COPG2: variants seen among roughly 807,000 people sequenced by gnomAD.
COPG2 encodes the protein coat protein complex I subunit gamma 2.
In COPG2, 37 loss-of-function variants were observed where a neutral mutation model predicts 46.3. The ratio of observed to expected loss-of-function variants is 0.80; its 90% CI spans 0.61 to 1.05. COPG2 has a LOEUF of 1.05. Among genes scored for constraint, COPG2 ranks in the 50% least tolerant of loss-of-function variants. The probability of loss-of-function intolerance (pLI) is 0.00; values close to 1 mark genes in which losing one functional copy is unlikely to be tolerated. For missense variants in COPG2, 427 were observed against 387.8 expected (o/e 1.10, Z -0.85); for synonymous variants, 159 against 129.7 (o/e 1.23, Z -1.53).
intron 20 of COPG2, among the ~76,000 whole-genome samples, chr7:130,524,976 G>C (rs1401640305): frequency 2.0e-5 from 3 of 152,136 alleles, no homozygotes; most frequent in Non-Finnish European, 4.4e-5. Flanking sequence ...AGTGAGGGTA[G>C]GGAAGGAAGA....
Position 130,506,819 on chromosome 7 carries a change from A to G in COPG2, c.2486-13T>C. 1.3e-6 allele frequency: 1 copy of G among 769,090 alleles called. No homozygotes were observed. The allele number at this position is 769,090 out of a possible 1,614,324, so 47.6% of individuals were successfully genotyped here. On this transcript the variant is annotated splice_polypyrimidine_tract_variant and intron_variant, in intron 23 of 23. Transcript: ENST00000425248. ...CCTCTGAATATACCTGAGAGAAAAA[A>G]GTAAGGAAAACCATATTAAGAACCC...
intron 3 of COPG2, among the ~76,000 whole-genome samples, chr7:130,665,871 TAAC>T (rs1364883709): frequency 4.0e-5 from 6 of 151,256 alleles, no homozygotes; most frequent in Admixed American, 1.3e-4. Flanking sequence ...GAAAAATTAA[TAAC>T]AACAGCAGCA....
intron 5 of COPG2, among the ~76,000 whole-genome samples, chr7:130,638,977 G>A (rs1554456813): frequency 2.0e-5 from 3 of 152,176 alleles, no homozygotes; most frequent in Admixed American, 6.5e-5. Context: ...CCTTGGCTAG[G>A]GGAGGGAGTT....
At chr7:130,522,491 AG>A (rs1157228672) in intron 20 of COPG2, among the ~76,000 whole-genome samples, 146 of 152,204 alleles carry the variant, frequency 9.6e-4, no homozygotes, top group African/African-American at 3.1e-3. Flanking sequence ...GCCGATACGA[AG>A]GGGGTTTAGA....
intron 9 of COPG2, among the ~76,000 whole-genome samples, chr7:130,601,697 G>C (rs1454821710): frequency 2.6e-5 from 4 of 152,112 alleles, no homozygotes; most frequent in Non-Finnish European, 5.9e-5. Flanking sequence ...ATAGCGTTAG[G>C]AGAAATACCT....
In COPG2 at chr7:130,561,083, G is replaced by A; in HGVS notation, c.1078C>T (p.Leu360Phe). ...KTGSESSVDR[L>F]MKQISSFVSE... ...ACAAAAGAAGATATCTGCTTCATGA[G>A]CCGGTCCACACTGCTCTCACTTCCT... Residue 360 changes from leucine (L) to phenylalanine (F), a missense_variant, in exon 12 of 24, where the codon CTC becomes TTC. Coordinates refer to ENST00000425248, the MANE Select transcript of COPG2 (RefSeq NM_012133.6). 2.5e-6 allele frequency: 1 copy of A among 398,548 alleles called. No individual in the cohort carries two copies. The allele number at this position is 398,548 out of a possible 1,614,324, so 24.7% of individuals were successfully genotyped here. A position where few individuals can be genotyped will look rare whatever the true frequency, so the allele number is the denominator to read the frequency against.
At chr7:130,638,999 T>C (rs1554456827) in intron 5 of COPG2, among the ~76,000 whole-genome samples, 1 of 152,164 alleles carries the variant, frequency 6.6e-6, no homozygotes, top group Admixed American at 6.5e-5. Flanking sequence ...CCCAACCCCT[T>C]GCACTTCCCT....
chr7:130,615,207 T>C (rs1554452690), intron 6 of COPG2, among the ~76,000 whole-genome samples: 1 of 152,204 alleles, frequency 6.6e-6, no homozygotes, highest in Non-Finnish European at 1.5e-5. Flanking sequence ...TCATAGGAAG[T>C]TATGTACATA....
chr7:130,511,844 TC>T, intron 20 of COPG2: 1 of 519,490 alleles, frequency 1.9e-6, no homozygotes, highest in South Asian at 1.4e-5. Context: ...GCAGACTAGC[TC>T]TTAAAGCTTT....
At chr7:130,668,345 G>T (rs1308215341) in intron 1 of COPG2, among the ~76,000 whole-genome samples, 1 of 150,710 alleles carries the variant, frequency 6.6e-6, no homozygotes, top group Non-Finnish European at 1.5e-5. Context: ...CCGCGCGCAG[G>T]GGAGGAGGCG....
chr7:130,599,228 T>C (rs573956127), intron 9 of COPG2, among the ~76,000 whole-genome samples: 6 of 152,178 alleles, frequency 3.9e-5, no homozygotes, highest in Non-Finnish European at 7.3e-5. Context: ...CACCTGAGTA[T>C]AGAAAACTCC....
chr7:130,603,713 C>T (rs910753123), intron 9 of COPG2: 3 of 366,808 alleles, frequency 8.2e-6, no homozygotes, highest in African/African-American at 2.6e-5. Flanking sequence ...AGGAGCAAAA[C>T]TCAGTCTCAA....
At chr7:130,587,735 A>G (rs1305317097) in intron 9 of COPG2, among the ~76,000 whole-genome samples, 1 of 152,186 alleles carries the variant, frequency 6.6e-6, no homozygotes, top group Non-Finnish European at 1.5e-5. Flanking sequence ...AGGCATGGGC[A>G]AGGACTTCAT....
rs1195107035 is a variant in COPG2, at chr7:130,506,451, C to T, written c.*225G>A. 1 of 293,798 alleles carries T rather than the reference C, an allele frequency of 3.4e-6. No individual in the cohort carries two copies. Among genetic ancestry groups the T allele is most frequent in the African/African-American group, 2.3e-5 (1 of 43,866 alleles). The allele number at this position is 293,798 out of a possible 1,614,324, so 18.2% of individuals were successfully genotyped here. On this transcript the variant is annotated 3_prime_UTR_variant, in exon 24 of 24. Coordinates refer to ENST00000425248, the MANE Select transcript of COPG2 (RefSeq NM_012133.6). Reference sequence around the variant, plus strand: ...ATTTTCAAGATCACCCAAAGCTGCACTATCGTCCCAAAGCTGACCAAGTAG... The same window carrying T: ...ATTTTCAAGATCACCCAAAGCTGCATTATCGTCCCAAAGCTGACCAAGTAG...
chr7:130,572,711 A>T (rs1466469332), intron 9 of COPG2, among the ~76,000 whole-genome samples: 1 of 152,038 alleles, frequency 6.6e-6, no homozygotes, highest in Non-Finnish European at 1.5e-5. Flanking sequence ...GGCTCAACTA[A>T]AGCAATGCTT....
At chr7:130,579,727 C>T (rs1794094841) in intron 9 of COPG2, among the ~76,000 whole-genome samples, 1 of 150,596 alleles carries the variant, frequency 6.6e-6, no homozygotes, top group Admixed American at 6.6e-5. Flanking sequence ...GACTTTAAAC[C>T]AACAAAGATC....
intron 20 of COPG2, among the ~76,000 whole-genome samples, chr7:130,544,043 C>A (rs1186588141): frequency 6.6e-6 from 1 of 152,096 alleles, no homozygotes; most frequent in Non-Finnish European, 1.5e-5. Context: ...GAAGCAAATT[C>A]TAGTGATAAA....
intron 20 of COPG2, among the ~76,000 whole-genome samples, chr7:130,524,330 A>G (rs1308717340): frequency 6.6e-6 from 1 of 152,102 alleles, no homozygotes; most frequent in African/African-American, 2.4e-5. Flanking sequence ...GGAGAATCAC[A>G]GATTGTGCTG....
intron 9 of COPG2, among the ~76,000 whole-genome samples, chr7:130,580,327 C>T (rs1237025503): frequency 7.3e-6 from 1 of 137,624 alleles, no homozygotes; most frequent in African/African-American, 2.7e-5. Flanking sequence ...ACCAGAATCT[C>T]TGGGACGCAT....
Sources: gnomAD v4.1 joint callset for allele counts (sites outside exome capture counted in the v4.1 genomes callset) on GRCh38, gnomAD v4.1.1 for gene constraint, MANE v1.5 for transcripts, NCBI Gene and HGNC (gene_info 2026-07-23, HGNC 2026-07-21) for gene names.